The following NBEA variants were observed in gnomAD, a reference collection of about 807,000 sequenced individuals.
NBEA encodes lysosomal-trafficking regulator 2.
A neutral mutation model predicts 343.4 loss-of-function variants in NBEA; 44 were observed. That is an observed-to-expected ratio of 0.13 (90% confidence interval 0.10 to 0.16). The LOEUF (loss-of-function observed/expected upper bound fraction) is 0.16, where lower values mean the gene tolerates loss of function less well. Ranked by LOEUF, NBEA falls within the 10% of genes least tolerant of loss-of-function variation. NBEA has a pLI of 1.00. For missense variants in NBEA, 2,555 were observed against 3,631.3 expected (o/e 0.70, Z 7.62); for synonymous variants, 1,175 against 1,238.7 (o/e 0.95, Z 1.08).
intron 11 of NBEA, among the ~76,000 whole-genome samples, chr13:35,102,107 A>T (rs140845827): frequency 2.6e-5 from 4 of 151,698 alleles, no homozygotes; most frequent in African/African-American, 9.7e-5. Flanking sequence ...TCTATAATCT[A>T]TCTAGAATTG....
intron 8 of NBEA, among the ~76,000 whole-genome samples, chr13:35,065,000 C>T (rs1348382553): frequency 6.7e-6 from 1 of 150,262 alleles, no homozygotes; most frequent in Non-Finnish European, 1.5e-5. Context: ...TGAGCGCACA[C>T]AGTCACTACA....
At chr13:35,446,287 G>T (rs2046039401) in intron 39 of NBEA, among the ~76,000 whole-genome samples, 1 of 152,128 alleles carries the variant, frequency 6.6e-6, no homozygotes, top group African/African-American at 2.4e-5. Context: ...ACGTGTGCAT[G>T]TGTCTTTATA....
At chr13:35,616,655 G>A (rs79358855) in intron 48 of NBEA, among the ~76,000 whole-genome samples, 9,800 of 152,200 alleles carry the variant, frequency 0.064, 360 homozygotes, top group South Asian at 0.1. Flanking sequence ...TCTGAAGTAG[G>A]TTTTCCCTCT....
At chr13:34,971,309 T>C (rs889497549) in intron 1 of NBEA, among the ~76,000 whole-genome samples, 6 of 152,168 alleles carry the variant, frequency 3.9e-5, no homozygotes, top group African/African-American at 1.4e-4. Context: ...TACAGGATCA[T>C]GTCATTGGCA....
chr13:35,085,703 G>A (rs1430101807), intron 10 of NBEA, among the ~76,000 whole-genome samples: 2 of 152,010 alleles, frequency 1.3e-5, no homozygotes, highest in East Asian at 3.9e-4. Flanking sequence ...CACCACTCCT[G>A]TTGAACATAG....
At chr13:35,019,437 A>G (rs1396562851) in intron 1 of NBEA, among the ~76,000 whole-genome samples, 4 of 151,824 alleles carry the variant, frequency 2.6e-5, no homozygotes, top group African/African-American at 7.3e-5. Context: ...AGCTGGGATT[A>G]TAGGCGGACA....
intron 33 of NBEA, among the ~76,000 whole-genome samples, chr13:35,231,006 A>T (rs190008653): frequency 6.6e-6 from 1 of 152,208 alleles, no homozygotes; most frequent in East Asian, 1.9e-4. Context: ...GGAATTACAG[A>T]GTAGGGGAGA....
chr13:35,194,293 C>T (rs1037206280), intron 30 of NBEA, among the ~76,000 whole-genome samples: 4 of 152,008 alleles, frequency 2.6e-5, no homozygotes, highest in African/African-American at 9.7e-5. Flanking sequence ...ATCAGAACAA[C>T]ACTTCTACTA....
intron 41 of NBEA, among the ~76,000 whole-genome samples, chr13:35,479,572 A>G (rs2076036031): frequency 6.6e-6 from 1 of 152,132 alleles, no homozygotes; most frequent in South Asian, 2.1e-4. Context: ...CTTGGGGGAT[A>G]TATTTATTTT....
intron 51 of NBEA, among the ~76,000 whole-genome samples, chr13:35,647,887 T>C (rs1429410123): frequency 6.6e-6 from 1 of 152,064 alleles, no homozygotes; most frequent in African/African-American, 2.4e-5. Flanking sequence ...TTTTTAAATT[T>C]TTTTTTAAGA....
chr13:35,271,201 A>G (rs1183273750), intron 34 of NBEA, among the ~76,000 whole-genome samples: 6 of 152,312 alleles, frequency 3.9e-5, no homozygotes, highest in Admixed American at 2.6e-4. Flanking sequence ...CACTGGTGAT[A>G]CCCAGGCAAA....
chr13:35,278,244 A>T (rs1858839752), intron 34 of NBEA, among the ~76,000 whole-genome samples: 1 of 151,684 alleles, frequency 6.6e-6, no homozygotes, highest in African/African-American at 2.4e-5. Flanking sequence ...TATTGAACAA[A>T]CTCAATAAGG....
intron 1 of NBEA, among the ~76,000 whole-genome samples, chr13:34,970,365 A>T (rs1199936425): frequency 3.3e-5 from 5 of 151,772 alleles, no homozygotes; most frequent in African/African-American, 9.7e-5. Context: ...TACCCTGTTG[A>T]TAGTTTCTTT....
intron 56 of NBEA, among the ~76,000 whole-genome samples, chr13:35,666,576 T>A (rs769021307): frequency 6.6e-6 from 1 of 152,332 alleles, no homozygotes; most frequent in Non-Finnish European, 1.5e-5. Context: ...ATCATGTCAC[T>A]TGCTTTGTAA....
At chr13:35,474,213 C>A (rs1222707247) in intron 41 of NBEA, 2 of 152,528 alleles carry the variant, frequency 1.3e-5, no homozygotes, top group African/African-American at 4.8e-5. Context: ...TTTTATTTTA[C>A]TTCATTTATT....
chr13:35,450,416 G>A (rs1267856339), intron 39 of NBEA, among the ~76,000 whole-genome samples: 1 of 152,160 alleles, frequency 6.6e-6, no homozygotes, highest in Non-Finnish European at 1.5e-5. Context: ...GAGCCTGGGA[G>A]GTCGATGCTG....
intron 35 of NBEA, among the ~76,000 whole-genome samples, chr13:35,295,439 A>G (rs897356461): frequency 9.9e-5 from 15 of 152,066 alleles, no homozygotes; most frequent in African/African-American, 3.4e-4. Flanking sequence ...ATATAATGTC[A>G]TTTCCAAGTT....
At chr13:35,179,459 C>G (rs1310767928) in intron 28 of NBEA, among the ~76,000 whole-genome samples, 2 of 150,592 alleles carry the variant, frequency 1.3e-5, no homozygotes, top group East Asian at 1.9e-4. Flanking sequence ...TGTTTAGCCT[C>G]TATGTATACT....
chr13:35,346,246 G>A (rs1233772932), intron 36 of NBEA, among the ~76,000 whole-genome samples: 1 of 151,926 alleles, frequency 6.6e-6, no homozygotes, highest in Non-Finnish European at 1.5e-5. Flanking sequence ...ATCTATTTAA[G>A]TTTTGTAATT....
Sources: allele counts gnomAD v4.1 joint callset (sites outside exome capture counted in the v4.1 genomes callset), GRCh38; gene constraint gnomAD v4.1.1; transcripts MANE v1.5; gene names NCBI Gene and HGNC (gene_info 2026-07-23, HGNC 2026-07-21).